The following GSK3B variants were observed in gnomAD, a reference collection of about 807,000 sequenced individuals.
The protein encoded by GSK3B is glycogen synthase kinase-3 beta.
GSK3B carries 15 observed loss-of-function variants against 56.4 expected under a neutral mutation model. The ratio of observed to expected loss-of-function variants is 0.27; its 90% CI spans 0.18 to 0.41. The LOEUF (loss-of-function observed/expected upper bound fraction) is 0.41. GSK3B is among the 10% of genes least tolerant of loss of function. The probability of loss-of-function intolerance (pLI) is 1.00; values close to 1 mark genes in which losing one functional copy is unlikely to be tolerated. For missense variants in GSK3B, 300 were observed against 513.4 expected (o/e 0.58, Z 4.02); for synonymous variants, 181 against 188.9 (o/e 0.96, Z 0.34).
chr3:119,919,191 C>A (rs1040519916), intron 4 of GSK3B, among the ~76,000 whole-genome samples: 2 of 152,170 alleles, frequency 1.3e-5, no homozygotes, highest in Non-Finnish European at 2.9e-5. Context: ...ATACTCAACT[C>A]TCCCAGAAAA....
intron 1 of GSK3B, among the ~76,000 whole-genome samples, chr3:120,054,237 T>C (rs1576299104): frequency 6.6e-6 from 1 of 152,160 alleles, no homozygotes. Context: ...CTCCTCTCTC[T>C]CCTTCCCTAG....
chr3:120,087,524 T>C (rs2058474599), intron 1 of GSK3B, among the ~76,000 whole-genome samples: 1 of 150,272 alleles, frequency 6.7e-6, no homozygotes, highest in Non-Finnish European at 1.5e-5. Flanking sequence ...AGTGCGAGAC[T>C]CCATCTCAAA....
At chr3:119,918,113 T>A (rs2056799783) in intron 4 of GSK3B, among the ~76,000 whole-genome samples, 1 of 152,204 alleles carries the variant, frequency 6.6e-6, no homozygotes, top group African/African-American at 2.4e-5. Flanking sequence ...TGCTTCTCTT[T>A]CAATTACTAT....
At chr3:119,861,448 T>C (rs1218647776) in intron 9 of GSK3B, among the ~76,000 whole-genome samples, 2 of 149,868 alleles carry the variant, frequency 1.3e-5, no homozygotes, top group Admixed American at 1.3e-4. Context: ...GAGGTGGAGG[T>C]TGCAGCGAGC....
At chr3:119,902,326 T>C (rs1015553920) in intron 7 of GSK3B, among the ~76,000 whole-genome samples, 1 of 151,988 alleles carries the variant, frequency 6.6e-6, no homozygotes, top group African/African-American at 2.4e-5. Flanking sequence ...GAAGAACAGA[T>C]GTTAGCAATA....
At chr3:120,037,808 A>G (rs1011017995) in intron 1 of GSK3B, among the ~76,000 whole-genome samples, 1 of 152,166 alleles carries the variant, frequency 6.6e-6, no homozygotes, top group African/African-American at 2.4e-5. Context: ...GTCAGTCATT[A>G]AACTCCCTTA....
At chr3:119,971,599 T>C (rs1307860906) in intron 2 of GSK3B, among the ~76,000 whole-genome samples, 3 of 134,768 alleles carry the variant, frequency 2.2e-5, no homozygotes, top group Admixed American at 7.5e-5. Flanking sequence ...CTATTTGCAA[T>C]AATTTTTTTT....
At chr3:120,071,446 G>A (rs991545054) in intron 1 of GSK3B, among the ~76,000 whole-genome samples, 2 of 152,186 alleles carry the variant, frequency 1.3e-5, no homozygotes, top group Non-Finnish European at 2.9e-5. Flanking sequence ...GGCTTCATCC[G>A]TATTTACAGC....
At chr3:119,855,227 A>C (rs1333503438) in intron 9 of GSK3B, among the ~76,000 whole-genome samples, 2 of 152,210 alleles carry the variant, frequency 1.3e-5, no homozygotes, top group African/African-American at 4.8e-5. Context: ...CACATGAAAA[A>C]ATGCTCATCA....
At chr3:119,897,863 A>T (rs573468156) in intron 7 of GSK3B, among the ~76,000 whole-genome samples, 54 of 152,080 alleles carry the variant, frequency 3.6e-4, no homozygotes, top group Non-Finnish European at 7.6e-4. Context: ...GTCAGGAAAC[A>T]AGAGTGTAGG....
chr3:119,986,346 A>G (rs951782380), intron 2 of GSK3B, among the ~76,000 whole-genome samples: 2 of 152,222 alleles, frequency 1.3e-5, no homozygotes, highest in Non-Finnish European at 2.9e-5. Flanking sequence ...GGATCAATTA[A>G]ACTGAAGAAC....
chr3:119,929,917 A>AAT (rs1553735317), intron 3 of GSK3B, among the ~76,000 whole-genome samples: 47 of 132,860 alleles, frequency 3.5e-4, no homozygotes, highest in African/African-American at 1.2e-3. Context: ...AAAAAAAAAA[A>AAT]AATAATAATA....
chr3:120,068,299 G>C (rs1405000176), intron 1 of GSK3B, among the ~76,000 whole-genome samples: 1 of 150,326 alleles, frequency 6.7e-6, no homozygotes, highest in Non-Finnish European at 1.5e-5. Flanking sequence ...GCTGAGGCAG[G>C]AGAATACCTT....
chr3:119,919,322 C>T (rs1023040147), intron 4 of GSK3B, among the ~76,000 whole-genome samples: 3 of 151,958 alleles, frequency 2.0e-5, no homozygotes, highest in East Asian at 3.8e-4. Flanking sequence ...ACTTTTATAT[C>T]GCTCTCACAA....
intron 2 of GSK3B, among the ~76,000 whole-genome samples, chr3:119,948,759 C>A (rs1038102391): frequency 2.0e-5 from 3 of 152,264 alleles, no homozygotes; most frequent in Middle Eastern, 3.4e-3. Flanking sequence ...AGTGCAATGG[C>A]GTGATCTCGG....
rs1010834790 is a variant in GSK3B at position 119,936,337 on chromosome 3, AAT to A, written c.366+10929_366+10930del. Among the ~76,000 whole-genome samples the A allele has an allele frequency of 5.2e-4, 73 of 139,114 alleles. 1 individual carries two copies. The East Asian group carries it at 8.2e-3, about 16-fold the overall frequency. The allele number at this position is 139,114 out of a possible 152,430, so 91.3% of individuals were successfully genotyped here. A position where few individuals can be genotyped will look rare whatever the true frequency, so the allele number is the denominator to read the frequency against. ...TATAAAAATATAAATATATATAAAA[AAT>A]ATATATATATATATATTTTTTTTTT... On this transcript the variant is annotated intron_variant, in intron 3 of 10. Transcript: ENST00000264235.
At chr3:119,915,162 T>C (rs2056768521) in intron 5 of GSK3B, among the ~76,000 whole-genome samples, 1 of 152,030 alleles carries the variant, frequency 6.6e-6, no homozygotes, top group African/African-American at 2.4e-5. Context: ...ATTCACAGTA[T>C]ATTACCAAGA....
At chr3:120,004,131 G>A (rs2057703598) in intron 1 of GSK3B, among the ~76,000 whole-genome samples, 1 of 152,232 alleles carries the variant, frequency 6.6e-6, no homozygotes, top group Non-Finnish European at 1.5e-5. Context: ...CGCCCACACA[G>A]CCTTGTTCGC....
chr3:120,057,085 C>T (rs553703712), intron 1 of GSK3B, among the ~76,000 whole-genome samples: 17 of 152,222 alleles, frequency 1.1e-4, no homozygotes, highest in South Asian at 4.1e-4. Context: ...GCAGAGGTTG[C>T]GGTGAGCCAA....
Sources: gnomAD v4.1 joint callset for allele counts (sites outside exome capture counted in the v4.1 genomes callset) on GRCh38, gnomAD v4.1.1 for gene constraint, MANE v1.5 for transcripts, NCBI Gene and HGNC (gene_info 2026-07-23, HGNC 2026-07-21) for gene names.